Variants in AUTS2 observed in about 807,000 individuals in gnomAD.
AUTS2 encodes the protein autism susceptibility gene 2 protein.
A neutral mutation model predicts 112.4 loss-of-function variants in AUTS2; 17 were observed. The ratio of observed to expected loss-of-function variants is 0.15; its 90% CI spans 0.10 to 0.23. The LOEUF is 0.23. AUTS2 is among the 10% of genes least tolerant of loss of function. The pLI, the probability that AUTS2 is intolerant of heterozygous loss-of-function variation, is 1.00. For synonymous variants in AUTS2, 751 were observed against 702.7 expected (o/e 1.07, Z -1.09); for missense variants, 1,510 against 1,701.6 (o/e 0.89, Z 1.98).
chr7:70,674,577 C>T (rs1000862235), intron 5 of AUTS2, among the ~76,000 whole-genome samples: 3 of 152,214 alleles, frequency 2.0e-5, no homozygotes, highest in South Asian at 4.1e-4. Flanking sequence ...CGCGATCCCG[C>T]GGCACCTGGT....
At chr7:70,432,596 C>T (rs988733146) in intron 4 of AUTS2, among the ~76,000 whole-genome samples, 2 of 152,164 alleles carry the variant, frequency 1.3e-5, no homozygotes, top group African/African-American at 4.8e-5. Context: ...TCAACAAACC[C>T]CCTTTATGAG....
intron 4 of AUTS2, among the ~76,000 whole-genome samples, chr7:70,266,092 A>G (rs1787409088): frequency 6.6e-6 from 1 of 152,220 alleles, no homozygotes; most frequent in Non-Finnish European, 1.5e-5. Flanking sequence ...CTTGTACAGA[A>G]TGTTTATAGT....
chr7:70,581,279 G>A (rs920036668), intron 5 of AUTS2, among the ~76,000 whole-genome samples: 6 of 152,078 alleles, frequency 3.9e-5, no homozygotes, highest in African/African-American at 1.2e-4. Context: ...CCAGCTACTC[G>A]GGAGGCTGAG....
chr7:70,303,487 C>T (rs1789340477), intron 4 of AUTS2, among the ~76,000 whole-genome samples: 1 of 148,964 alleles, frequency 6.7e-6, no homozygotes, highest in African/African-American at 2.5e-5. Context: ...GCTGCTGCAA[C>T]TCCCAGAGTA....
At chr7:70,047,032 C>T (rs1281807248) in intron 2 of AUTS2, among the ~76,000 whole-genome samples, 2 of 152,108 alleles carry the variant, frequency 1.3e-5, no homozygotes, top group Non-Finnish European at 2.9e-5. Flanking sequence ...CTGTACAGCA[C>T]TGTAGGTATA....
chr7:70,173,546 T>C (rs1420449943), intron 4 of AUTS2, among the ~76,000 whole-genome samples: 1 of 152,140 alleles, frequency 6.6e-6, no homozygotes, highest in African/African-American at 2.4e-5. Flanking sequence ...CATTCGTACT[T>C]CCAATAAGTT....
chr7:70,443,459 G>T (rs1048875557), intron 5 of AUTS2, among the ~76,000 whole-genome samples: 3 of 152,130 alleles, frequency 2.0e-5, no homozygotes, highest in African/African-American at 7.2e-5. Context: ...ATTTACCTAG[G>T]CCCCAACAGC....
At chr7:69,605,155 A>C (rs1001762168) in intron 1 of AUTS2, among the ~76,000 whole-genome samples, 1 of 152,236 alleles carries the variant, frequency 6.6e-6, no homozygotes, top group Non-Finnish European at 1.5e-5. Flanking sequence ...GGGAAATACT[A>C]GAAAGGATCC....
At chr7:70,241,936 G>T (rs1274406150) in intron 4 of AUTS2, among the ~76,000 whole-genome samples, 2 of 152,172 alleles carry the variant, frequency 1.3e-5, no homozygotes, top group African/African-American at 4.8e-5. Flanking sequence ...TAGGGCATTT[G>T]GCTGAAGTGG....
intron 1 of AUTS2, among the ~76,000 whole-genome samples, chr7:69,753,469 C>A (rs1787824861): frequency 1.3e-5 from 2 of 152,022 alleles, no homozygotes; most frequent in Non-Finnish European, 1.5e-5. Flanking sequence ...CAAGCCTGGG[C>A]AGTTCAGAGA....
chr7:70,173,084 T>A (rs1193036880), intron 4 of AUTS2, among the ~76,000 whole-genome samples: 1 of 152,148 alleles, frequency 6.6e-6, no homozygotes, highest in African/African-American at 2.4e-5. Context: ...CTCTTACCAC[T>A]GGGAGTTTGG....
At chr7:70,385,785 C>T (rs2129633527) in intron 4 of AUTS2, among the ~76,000 whole-genome samples, 1 of 152,254 alleles carries the variant, frequency 6.6e-6, no homozygotes, top group East Asian at 1.9e-4. Context: ...ATGATGTGAA[C>T]AGTAGCAGTC....
intron 1 of AUTS2, among the ~76,000 whole-genome samples, chr7:69,632,539 C>T (rs1209429658): frequency 6.7e-6 from 1 of 148,952 alleles, no homozygotes; most frequent in Non-Finnish European, 1.5e-5. Flanking sequence ...TCCCTTCTCT[C>T]TTCCATCCTG....
At chr7:69,625,297 G>A (rs1793892892) in intron 1 of AUTS2, among the ~76,000 whole-genome samples, 1 of 152,188 alleles carries the variant, frequency 6.6e-6, no homozygotes, top group South Asian at 2.1e-4. Context: ...GCCACAAAGT[G>A]CCTGTGAAAC....
intron 1 of AUTS2, among the ~76,000 whole-genome samples, chr7:69,632,755 A>G (rs1794320167): frequency 6.6e-6 from 1 of 152,144 alleles, no homozygotes; most frequent in Non-Finnish European, 1.5e-5. Flanking sequence ...CACAGTTACA[A>G]GAATTTTATG....
chr7:69,642,025 T>A (rs1200207728), intron 1 of AUTS2, among the ~76,000 whole-genome samples: 9 of 152,198 alleles, frequency 5.9e-5, no homozygotes, highest in Admixed American at 5.9e-4. Context: ...CTTTGTGACC[T>A]TGGGCAAGTC....
chr7:70,232,420 G>A (rs770339456), intron 4 of AUTS2, among the ~76,000 whole-genome samples: 15 of 142,966 alleles, frequency 1.0e-4, no homozygotes, highest in Non-Finnish European at 2.1e-4. Context: ...TTTTTTTTTT[G>A]AGAGACAGAG....
chr7:70,766,333 T>C lies in AUTS2; in HGVS notation c.1688T>C (p.Met563Thr), dbSNP rs1318040696. 1.2e-6 allele frequency: 2 copies of C among 1,613,852 alleles called. No homozygotes were observed. Among genetic ancestry groups the C allele is most frequent in the Non-Finnish European group, 1.7e-6 (2 of 1,180,002 alleles). Residue 563 changes from methionine (M) to threonine (T), a missense_variant and splice_region_variant, in exon 9 of 19, where the codon ATG becomes ACG. Physicochemically the swap from Met to Thr is moderately conservative, Grantham distance 81 (BLOSUM62 -1). Coordinates refer to ENST00000342771, the MANE Select transcript of AUTS2 (RefSeq NM_015570.4). The surrounding 1 kb of genome is among the most constrained non-coding windows in gnomAD (Gnocchi z 4.8). The stretch of plus-strand genomic sequence containing the variant: ...ATCATGCCGACGCCAGCACCTCCCA[T>C]GGTGCGTACCCCAGGCAGAAATGTG... ...TAIMPTPAPP[M>T]FDKYPTKVDP... is the part of the protein sequence containing the mutation.
intron 5 of AUTS2, among the ~76,000 whole-genome samples, chr7:70,665,180 G>A (rs1807266119): frequency 6.6e-6 from 1 of 152,170 alleles, no homozygotes; most frequent in African/African-American, 2.4e-5. Context: ...GGAGGTGTTT[G>A]TTTATAAGGC....
Sources: gnomAD v4.1 joint callset for allele counts (sites outside exome capture counted in the v4.1 genomes callset) on GRCh38, gnomAD v4.1.1 for gene constraint, Gnocchi (gnomAD v3.1) non-coding constraint, MANE v1.5 for transcripts, NCBI Gene and HGNC (gene_info 2026-07-23, HGNC 2026-07-21) for gene names.